The following RARS2 variants were observed in gnomAD, a reference collection of about 807,000 sequenced individuals.
The protein encoded by RARS2 is arginyl-tRNA synthetase 2, mitochondrial, also known as probable arginine--tRNA ligase, mitochondrial.
In RARS2, 67 loss-of-function variants were observed where a neutral mutation model predicts 88.5. That is an observed-to-expected ratio of 0.76 (90% CI 0.62 to 0.93). The LOEUF (loss-of-function observed/expected upper bound fraction) is 0.93, where lower values mean the gene tolerates loss of function less well. Among genes scored for constraint, RARS2 ranks in the 40% least tolerant of loss-of-function variants. The pLI is 0.00. For missense variants in RARS2, 664 were observed against 684.2 expected (o/e 0.97, Z 0.33); for synonymous variants, 239 against 230.3 (o/e 1.04, Z -0.34).
chr6:87,549,317 T>C (rs972352379), intron 5 of RARS2, among the ~76,000 whole-genome samples: 2 of 151,724 alleles, frequency 1.3e-5, no homozygotes, highest in African/African-American at 2.4e-5. Context: ...GATCACGACA[T>C]TGTACTCTAG....
At chr6:87,559,311 A>C (rs1297721304) in intron 4 of RARS2, among the ~76,000 whole-genome samples, 1 of 151,884 alleles carries the variant, frequency 6.6e-6, no homozygotes, top group Non-Finnish European at 1.5e-5. Context: ...TTTTAGAGAC[A>C]GGGTCTCTAG....
At chr6:87,555,123 A>ATAAG (rs1785461323) in intron 5 of RARS2, among the ~76,000 whole-genome samples, 1 of 150,650 alleles carries the variant, frequency 6.6e-6, no homozygotes, top group Non-Finnish European at 1.5e-5. Context: ...AAATAAATAA[A>ATAAG]TAAATAAATA....
chr6:87,549,659 T>C (rs1376712589), intron 5 of RARS2, among the ~76,000 whole-genome samples: 1 of 152,204 alleles, frequency 6.6e-6, no homozygotes, highest in African/African-American at 2.4e-5. Flanking sequence ...CACTCCCGTG[T>C]GTGCTCAAGA....
intron 1 of RARS2, among the ~76,000 whole-genome samples, chr6:87,577,400 T>C (rs565564495): frequency 1.3e-5 from 2 of 152,260 alleles, no homozygotes; most frequent in Non-Finnish European, 2.9e-5. Context: ...CTCACCTTTG[T>C]TGTCCAGGCT....
chr6:87,517,410 C>T (rs894953993), intron 17 of RARS2, among the ~76,000 whole-genome samples: 5 of 152,260 alleles, frequency 3.3e-5, no homozygotes, highest in South Asian at 2.1e-4. Context: ...AGACCTAGTC[C>T]ACAGCAAAAA....
At chr6:87,561,704 T>C (rs1440624149) in intron 4 of RARS2, among the ~76,000 whole-genome samples, 4 of 152,224 alleles carry the variant, frequency 2.6e-5, no homozygotes, top group Non-Finnish European at 4.4e-5. Flanking sequence ...CTGATTTTAC[T>C]GTGACACTGA....
Position 87,514,948 on chromosome 6 carries a change from A to G in RARS2, c.1650+9T>C, listed in dbSNP as rs765460874. On this transcript the variant is annotated intron_variant, in intron 19 of 19. Transcript: ENST00000369536. The stretch of plus-strand genomic sequence containing the variant: ...AGGGATTATACAGAAAACATTCAAC[A>G]TAACGTACCCCAGCCACTTCAGGAG... The G allele has an allele frequency of 1.2e-6, 2 of 1,604,198 alleles. No homozygotes were observed. Among genetic ancestry groups the G allele is most frequent in the East Asian group, 2.2e-5 (1 of 44,806 alleles).
intron 1 of RARS2, among the ~76,000 whole-genome samples, chr6:87,575,277 A>ACACACACACACACACACACC (rs1422126329): frequency 7.1e-6 from 1 of 140,056 alleles, no homozygotes; most frequent in Admixed American, 7.2e-5. Flanking sequence ...ACACACACAC[A>ACACACACACACACACACACC]CCTTGGCTTC....
intron 8 of RARS2, among the ~76,000 whole-genome samples, chr6:87,534,813 G>A (rs1778634164): frequency 6.6e-6 from 1 of 152,194 alleles, no homozygotes; most frequent in Non-Finnish European, 1.5e-5. Flanking sequence ...GGCCCACAGT[G>A]GGAAATGGTT....
intron 5 of RARS2, among the ~76,000 whole-genome samples, chr6:87,552,914 G>C (rs1784803634): frequency 6.6e-6 from 1 of 152,296 alleles, no homozygotes; most frequent in South Asian, 2.1e-4. Flanking sequence ...ATTGAAAGGG[G>C]TTTAAGAGTA....
chr6:87,522,384 A>G (rs1774211012), intron 11 of RARS2, among the ~76,000 whole-genome samples: 1 of 148,138 alleles, frequency 6.8e-6, no homozygotes, highest in African/African-American at 2.6e-5. Context: ...CAGAATTTCT[A>G]TCTCTTTTAT....
chr6:87,540,429 A>C (rs1245660440), intron 8 of RARS2, among the ~76,000 whole-genome samples: 1 of 148,378 alleles, frequency 6.7e-6, no homozygotes, highest in Non-Finnish European at 1.5e-5. Flanking sequence ...CAGCCTAGGC[A>C]ACAGTGTGAG....
At position 87,523,874 on chromosome 6, in the gene RARS2, A is replaced by T. The variant is rs547223923; in HGVS notation, c.974+683T>A. 3.9e-5 allele frequency among the ~76,000 whole-genome samples: 6 copies of T among 152,344 alleles called. No individual in the cohort carries two copies. In the South Asian group the frequency reaches 1.2e-3, roughly 32 times the overall value. On this transcript the variant is annotated intron_variant, in intron 11 of 19. Transcript: ENST00000369536. ...TATCTAGAAAAATAATGTACCTCTTAGATATATAAGCTCTTCTCACTTCCT... is the reference window on the plus strand; with the variant it reads ...TATCTAGAAAAATAATGTACCTCTTTGATATATAAGCTCTTCTCACTTCCT...
At position 87,580,874 on chromosome 6, in the gene RARS2, T is replaced by G. The variant is rs191351607; in HGVS notation, c.36+9048A>C. On this transcript the variant is annotated intron_variant, in intron 1 of 19. Coordinates refer to ENST00000369536, the MANE Select transcript of RARS2 (RefSeq NM_020320.5). ...GAGAACCTAAGATCAGAGATTCTAA[T>G]ATGTAATATAAGAATGGCTAATATG... 2.5e-3 allele frequency among the ~76,000 whole-genome samples: 380 copies of G among 152,262 alleles called. 2 individuals carry two copies. Among genetic ancestry groups the G allele is most frequent in the African/African-American group, 8.8e-3 (366 of 41,556 alleles).
At chr6:87,579,579 T>C (rs536062930) in intron 1 of RARS2, among the ~76,000 whole-genome samples, 21 of 151,888 alleles carry the variant, frequency 1.4e-4, no homozygotes, top group Non-Finnish European at 2.8e-4. Context: ...AGCAGTTGCC[T>C]CCCATTTTAA....
chr6:87,518,836 T>C lies in RARS2; in HGVS notation c.1293A>G (p.Ala431=), dbSNP rs1351438804. 1 of 1,613,816 alleles carries C rather than the reference T, an allele frequency of 6.2e-7. No homozygotes were observed. Among genetic ancestry groups the C allele is most frequent in the Non-Finnish European group, 8.5e-7 (1 of 1,179,970 alleles). Residue 431 remains alanine (A), a synonymous_variant, in exon 15 of 20, where the codon GCA becomes GCG. Coordinates refer to ENST00000369536, the MANE Select transcript of RARS2 (RefSeq NM_020320.5). ...AGTCTTAACAGACCTGAATAATGAG[T>C]GCTGCGAGCCCGACCCTCTCTGCAG... ...QETAERVGLA[A]LIIQDFKGLL... is the part of the protein sequence containing the mutation.
intron 8 of RARS2, among the ~76,000 whole-genome samples, chr6:87,532,933 GAC>G (rs1777985376): frequency 6.6e-6 from 1 of 152,148 alleles, no homozygotes; most frequent in African/African-American, 2.4e-5. Context: ...ACTTTTGAAT[GAC>G]ACAGCCATTG....
In RARS2 at chr6:87,575,225, GCACACACACACACACACACACA is replaced by G. The variant is rs58168335; in HGVS notation, c.37-5657_37-5636del. ...AGAGATGAACCCTAAAAAATAGAAA[GCACACACACACACACACACACA>G]CACACACACACACACACACACACAC... On this transcript the variant is annotated intron_variant, in intron 1 of 19. Coordinates refer to ENST00000369536, the MANE Select transcript of RARS2 (RefSeq NM_020320.5). 3.7e-3 allele frequency among the ~76,000 whole-genome samples: 426 copies of G among 114,644 alleles called. 2 individuals carry two copies. The highest frequency in any genetic ancestry group is 0.012 in the African/African-American group (365 of 31,082). 75.2% of individuals were successfully genotyped at this position (114,644 alleles called of 152,430 possible). A position where few individuals can be genotyped will look rare whatever the true frequency, so the allele number is the denominator to read the frequency against.
chr6:87,581,838 G>T (rs6454633), intron 1 of RARS2, among the ~76,000 whole-genome samples: 152,110 of 152,316 alleles, frequency 1, 75,952 homozygotes, highest in East Asian at 1. Flanking sequence ...CACTTACAAG[G>T]GACAATGTGC....
Sources: allele counts gnomAD v4.1 joint callset (sites outside exome capture counted in the v4.1 genomes callset), GRCh38; gene constraint gnomAD v4.1.1; transcripts MANE v1.5; gene names NCBI Gene and HGNC (gene_info 2026-07-23, HGNC 2026-07-21).